SLC5A1: variants seen among roughly 807,000 people sequenced by gnomAD.
SLC5A1 encodes the protein solute carrier family 5 member 1, also known as sodium/glucose cotransporter 1.
In SLC5A1, 42 loss-of-function variants were observed where a neutral mutation model predicts 73.5. The observed-to-expected ratio is 0.57, with a 90% CI of 0.45 to 0.74. The LOEUF (loss-of-function observed/expected upper bound fraction) is 0.74, where lower values mean the gene tolerates loss of function less well. Ranked by LOEUF, SLC5A1 falls within the 30% of genes least tolerant of loss-of-function variation. The pLI is 0.00. For missense variants in SLC5A1, 634 were observed against 855.4 expected, an observed-to-expected ratio of 0.74 and a Z score of 3.23; for synonymous variants, 300 against 317.4, an observed-to-expected ratio of 0.95 and a Z score of 0.58.
At chr22:32,047,814 G>A (rs2093939102) in intron 1 of SLC5A1, among the ~76,000 whole-genome samples, 1 of 152,144 alleles carries the variant, frequency 6.6e-6, no homozygotes, top group African/African-American at 2.4e-5. Context: ...TAATGCCTTT[G>A]GAATAGTGAT....
chr22:32,053,091 C>T (rs75091642), intron 2 of SLC5A1, among the ~76,000 whole-genome samples: 5 of 152,110 alleles, frequency 3.3e-5, no homozygotes, highest in Non-Finnish European at 7.4e-5. Flanking sequence ...CCACACTGGA[C>T]TCCTTGGTAA....
intron 5 of SLC5A1, among the ~76,000 whole-genome samples, chr22:32,079,055 G>C (rs765513175): frequency 8.6e-5 from 13 of 151,234 alleles, no homozygotes; most frequent in Non-Finnish European, 1.8e-4. Context: ...GTTGTTTTGA[G>C]GATCAAAATA....
At chr22:32,106,516 T>C (rs2094046063) in intron 14 of SLC5A1, among the ~76,000 whole-genome samples, 1 of 152,190 alleles carries the variant, frequency 6.6e-6, no homozygotes, top group Non-Finnish European at 1.5e-5. Context: ...GTTGGAGCTC[T>C]TCTGACATAG....
At chr22:32,088,077 T>C (rs1173476354) in intron 10 of SLC5A1, among the ~76,000 whole-genome samples, 1 of 152,204 alleles carries the variant, frequency 6.6e-6, no homozygotes, top group Non-Finnish European at 1.5e-5. Flanking sequence ...GCTGGGCTGC[T>C]TATTCATAAG....
At chr22:32,059,080 G>T in intron 2 of SLC5A1, 1 of 985,172 alleles carries the variant, frequency 1.0e-6, no homozygotes, top group Non-Finnish European at 1.2e-6. Context: ...AATGTCCTCT[G>T]TTAAGTGGAA....
intron 7 of SLC5A1, 81 bp downstream of exon 7, chr22:32,083,235 T>C (rs1361374340): frequency 1.7e-6 from 2 of 1,178,254 alleles, no homozygotes; most frequent in Admixed American, 3.8e-5. Flanking sequence ...CCAGCCTCTC[T>C]ACCTGCTTGC....
In SLC5A1 at chr22:32,110,048, T is replaced by A; in HGVS notation, c.1830T>A (p.Cys610Ter). ...TCAGGAGAGCCTATGACCTATTTTG[T>A]GGGCTAGAGCAGCACGGTGCACCCA... ...GIFRRAYDLF[C>*]GLEQHGAPKM... Residue 610 changes from cysteine to a stop codon, truncating the protein, a stop_gained, in exon 15 of 15, where the codon TGT becomes TGA. Transcript: ENST00000266088. LOFTEE classifies it high-confidence loss of function. 2 of 1,614,136 alleles carry A rather than the reference T, an allele frequency of 1.2e-6. No individual in the cohort carries two copies. Among genetic ancestry groups the A allele is most frequent in the Non-Finnish European group, 1.7e-6 (2 of 1,180,010 alleles).
chr22:32,084,833 T>C, intron 8 of SLC5A1, 67 bp from the exon 9 acceptor site: 1 of 1,607,996 alleles, frequency 6.2e-7, no homozygotes, highest in Middle Eastern at 2.1e-4. Context: ...ATGGCGAAGC[T>C]AGGAAGTACA....
At chr22:32,077,576 T>C (rs535029200) in intron 5 of SLC5A1, among the ~76,000 whole-genome samples, 1 of 152,228 alleles carries the variant, frequency 6.6e-6, no homozygotes, top group Non-Finnish European at 1.5e-5. Context: ...ATTTTTATGA[T>C]AAAAAATTTA....
intron 10 of SLC5A1, among the ~76,000 whole-genome samples, chr22:32,088,491 C>T (rs1400149782): frequency 1.3e-5 from 2 of 152,032 alleles, no homozygotes; most frequent in African/African-American, 4.8e-5. Context: ...CACCTGCCAC[C>T]ACGCCCAGCT....
At chr22:32,056,517 A>T (rs2149484746) in intron 2 of SLC5A1, among the ~76,000 whole-genome samples, 1 of 146,760 alleles carries the variant, frequency 6.8e-6, no homozygotes, top group African/African-American at 2.5e-5. Flanking sequence ...TATAATGAAT[A>T]TATTATCTGT....
At chr22:32,062,604 G>C (rs954513993) in intron 2 of SLC5A1, among the ~76,000 whole-genome samples, 2 of 152,144 alleles carry the variant, frequency 1.3e-5, no homozygotes, top group Non-Finnish European at 2.9e-5. Context: ...TTTAGATAAA[G>C]TCTGAAATCC....
intron 10 of SLC5A1, among the ~76,000 whole-genome samples, chr22:32,089,304 A>G (rs2094013229): frequency 6.6e-6 from 1 of 152,234 alleles, no homozygotes; most frequent in African/African-American, 2.4e-5. Context: ...CTCGCAACAA[A>G]TGACAAAATA....
intron 12 of SLC5A1, 117 bp downstream of exon 12, chr22:32,099,468 T>A: frequency 9.6e-7 from 1 of 1,042,832 alleles, no homozygotes; most frequent in Non-Finnish European, 1.5e-6. Context: ...CAGACACGGA[T>A]GTGCTGCTGA....
At chr22:32,056,597 AC>A (rs914086131) in intron 2 of SLC5A1, among the ~76,000 whole-genome samples, 8 of 152,072 alleles carry the variant, frequency 5.3e-5, no homozygotes, top group Non-Finnish European at 1.2e-4. Flanking sequence ...AAGTTTAAGG[AC>A]CACTATTGGA....
intron 7 of SLC5A1, 42 bp from the exon 8 acceptor site, chr22:32,084,397 T>G: frequency 6.4e-7 from 1 of 1,559,020 alleles, no homozygotes; most frequent in South Asian, 1.1e-5. Flanking sequence ...TATGACGAGT[T>G]GAAGGTTTCA....
chr22:32,087,440 A>G (rs901238772), intron 10 of SLC5A1, among the ~76,000 whole-genome samples: 1 of 152,226 alleles, frequency 6.6e-6, no homozygotes, highest in South Asian at 2.1e-4. Context: ...ACTAGGTCCA[A>G]GGGGTTTTAC....
intron 1 of SLC5A1, 79 bp from the exon 2 acceptor site, chr22:32,049,864 G>A (rs764424050): frequency 2.2e-5 from 24 of 1,098,006 alleles, no homozygotes; most frequent in Middle Eastern, 4.4e-4. Context: ...GAAGGTGCAC[G>A]AATGGGGAGG....
intron 5 of SLC5A1, among the ~76,000 whole-genome samples, chr22:32,077,082 C>A (rs1187961931): frequency 6.6e-6 from 1 of 152,180 alleles, no homozygotes; most frequent in Non-Finnish European, 1.5e-5. Context: ...CTCCCGGGCC[C>A]TTTACAGAGA....
Sources: allele counts gnomAD v4.1 joint callset (sites outside exome capture counted in the v4.1 genomes callset), GRCh38; gene constraint gnomAD v4.1.1; transcripts MANE v1.5; gene names NCBI Gene and HGNC (gene_info 2026-07-23, HGNC 2026-07-21).